ST8SIA2: variants seen among roughly 807,000 people sequenced by gnomAD.
The protein encoded by ST8SIA2 is alpha-2,8-sialyltransferase 8B.
ST8SIA2 carries 22 observed loss-of-function variants against 37.6 expected under a neutral mutation model. That is an observed-to-expected ratio of 0.58 (90% CI 0.42 to 0.83). The LOEUF (loss-of-function observed/expected upper bound fraction) is 0.83. Among genes scored for constraint, ST8SIA2 ranks in the 40% least tolerant of loss-of-function variants. ST8SIA2 has a pLI of 0.00. For missense variants in ST8SIA2, 382 were observed against 484.7 expected, an observed-to-expected ratio of 0.79 and a Z score of 1.99; for synonymous variants, 205 against 201.2, an observed-to-expected ratio of 1.02 and a Z score of -0.16.
intron 5 of ST8SIA2, among the ~76,000 whole-genome samples, chr15:92,462,857 T>C (rs189030763): frequency 2.0e-5 from 3 of 152,324 alleles, no homozygotes; most frequent in African/African-American, 7.2e-5. Context: ...ATAAAGACAT[T>C]AGACCACACA....
At chr15:92,431,564 C>T (rs1157139059) in intron 2 of ST8SIA2, among the ~76,000 whole-genome samples, 1 of 152,086 alleles carries the variant, frequency 6.6e-6, no homozygotes, top group Non-Finnish European at 1.5e-5. Flanking sequence ...GTTCAGGAGT[C>T]GGGAGGTGAA....
At chr15:92,394,905 G>A (rs2049419045) in intron 1 of ST8SIA2, among the ~76,000 whole-genome samples, 1 of 152,322 alleles carries the variant, frequency 6.6e-6, no homozygotes, top group African/African-American at 2.4e-5. Flanking sequence ...CCGCCCGGTG[G>A]GCTTCTGGGC....
chr15:92,436,996 G>A (rs1486478856), intron 3 of ST8SIA2, among the ~76,000 whole-genome samples: 2 of 152,198 alleles, frequency 1.3e-5, no homozygotes, highest in Non-Finnish European at 2.9e-5. Context: ...GGTTCCCCAA[G>A]TGACTGAATG....
At chr15:92,434,846 A>C (rs1207347828) in intron 3 of ST8SIA2, among the ~76,000 whole-genome samples, 1 of 152,170 alleles carries the variant, frequency 6.6e-6, no homozygotes, top group African/African-American at 2.4e-5. Flanking sequence ...TGAAAATGAA[A>C]ACCTAGAGCC....
In ST8SIA2 at chr15:92,465,478, G is replaced by A. The variant is rs1259548557; in HGVS notation, c.*1093G>A. On this transcript the variant is annotated 3_prime_UTR_variant, in exon 6 of 6. Coordinates refer to ENST00000268164, the MANE Select transcript of ST8SIA2 (RefSeq NM_006011.4). Reference sequence around the variant, plus strand: ...CCCAGAGTGTGAGACCTGAAAGAATGTTCAGCATCTAGCTCCATGTCCCTG... The same window carrying A: ...CCCAGAGTGTGAGACCTGAAAGAATATTCAGCATCTAGCTCCATGTCCCTG... 6.6e-6 allele frequency: 1 copy of A among 152,238 alleles called. No individual in the cohort carries two copies. The highest frequency in any genetic ancestry group is 1.5e-5 in the Non-Finnish European group (1 of 68,048). The allele number at this position is 152,238 out of a possible 1,614,324, so 9.4% of individuals were successfully genotyped here.
At chr15:92,453,223 C>T (rs1031141070) in intron 5 of ST8SIA2, among the ~76,000 whole-genome samples, 1 of 152,086 alleles carries the variant, frequency 6.6e-6, no homozygotes. Flanking sequence ...ATGTGCTGAC[C>T]ATTGACACCC....
At position 92,444,814 on chromosome 15, in the gene ST8SIA2, T is replaced by C. The variant is rs1361351323; in HGVS notation, c.727T>C (p.Phe243Leu). 2.5e-6 allele frequency: 4 copies of C among 1,614,108 alleles called. No individual in the cohort carries two copies. In the Admixed American group the frequency reaches 6.7e-5, roughly 27 times the overall value. The change falls in exon 5 of 6, where the codon TTC becomes CTC. Residue 243 changes from phenylalanine to leucine, a missense_variant. By Grantham distance (22) the Phe-to-Leu change is conservative. Transcript: ENST00000268164. Reference protein sequence around the residue: ...LNGSILWIPAFMARGGKERVE... With the variant: ...LNGSILWIPALMARGGKERVE... ...TGGCAGCATCCTGTGGATCCCTGCCTTCATGGCCCGGGGCGGCAAGGAGCG... is the reference window on the plus strand; with the variant it reads ...TGGCAGCATCCTGTGGATCCCTGCCCTCATGGCCCGGGGCGGCAAGGAGCG...
In ST8SIA2 at chr15:92,449,503, G is replaced by A. The variant is rs569456361; in HGVS notation, c.842+4574G>A. Among the ~76,000 whole-genome samples, 5 of 152,294 alleles carry A rather than the reference G, an allele frequency of 3.3e-5. No individual in the cohort carries two copies. The East Asian group carries it at 9.6e-4, about 29-fold the overall frequency. ...CATGTGTCTTTTGGTAGAATGATTTGTTTTCTTTTGGATACTCATCCAGTA... is the reference window on the plus strand; with the variant it reads ...CATGTGTCTTTTGGTAGAATGATTTATTTTCTTTTGGATACTCATCCAGTA... On this transcript the variant is annotated intron_variant, in intron 5 of 5. Coordinates refer to ENST00000268164, the MANE Select transcript of ST8SIA2 (RefSeq NM_006011.4).
chr15:92,434,824 T>C (rs1009225594), intron 3 of ST8SIA2, among the ~76,000 whole-genome samples: 5 of 152,182 alleles, frequency 3.3e-5, no homozygotes, highest in African/African-American at 1.2e-4. Flanking sequence ...AGGCTGCTCC[T>C]CCCTAACAAC....
chr15:92,454,455 T>A (rs1439099506), intron 5 of ST8SIA2, among the ~76,000 whole-genome samples: 1 of 152,138 alleles, frequency 6.6e-6, no homozygotes, highest in East Asian at 1.9e-4. Context: ...CATCAACATA[T>A]GAGTTTGGGG....
At chr15:92,397,898 C>T (rs755677592) in intron 1 of ST8SIA2, among the ~76,000 whole-genome samples, 8 of 152,124 alleles carry the variant, frequency 5.3e-5, no homozygotes, top group Non-Finnish European at 7.3e-5. Context: ...TTTGGGAGGC[C>T]GAGGCAGGTA....
Position 92,464,072 on chromosome 15 carries a change from C to CTTTTTT in ST8SIA2, c.843-10_843-5dup, listed in dbSNP as rs34156050. 3.1e-3 allele frequency: 3,914 copies of CTTTTTT among 1,268,582 alleles called. 29 individuals carry two copies. Among genetic ancestry groups the CTTTTTT allele is most frequent in the South Asian group, 0.011 (706 of 63,004 alleles). The allele number at this position is 1,268,582 out of a possible 1,614,324, so 78.6% of individuals were successfully genotyped here. On this transcript the variant is annotated intron_variant, in intron 5 of 5. Coordinates refer to ENST00000268164, the MANE Select transcript of ST8SIA2 (RefSeq NM_006011.4). ...TGACTCACAGACCCATGTTTCTTTT[C>CTTTTTT]TTTTTTTTTTTTTTTTTTTTTTTCC...
rs74029016 is a variant in ST8SIA2 at position 92,401,279 on chromosome 15, A to C, written c.98+7117A>C. 6.6e-3 allele frequency among the ~76,000 whole-genome samples: 1,008 copies of C among 152,222 alleles called. 12 individuals carry two copies. The highest frequency in any genetic ancestry group is 0.023 in the African/African-American group (960 of 41,526). On this transcript the variant is annotated intron_variant, in intron 1 of 5. Transcript: ENST00000268164. ...ACCGTCGCCTGTGGCCGGCCGGCTG[A>C]CCGCCCCTGGGCTTGCTTACCATCT...
chr15:92,435,097 C>A (rs1336422736), intron 3 of ST8SIA2, among the ~76,000 whole-genome samples: 1 of 152,212 alleles, frequency 6.6e-6, no homozygotes, highest in Non-Finnish European at 1.5e-5. Context: ...TATAATCCAA[C>A]TATTCAGTTC....
intron 1 of ST8SIA2, among the ~76,000 whole-genome samples, chr15:92,416,051 A>G (rs531310862): frequency 6.6e-5 from 10 of 152,236 alleles, no homozygotes; most frequent in Non-Finnish European, 7.4e-5. Context: ...AGAGAGAGGC[A>G]TGTGGCACAC....
chr15:92,449,351 T>C (rs1393055155), intron 5 of ST8SIA2, among the ~76,000 whole-genome samples: 1 of 152,264 alleles, frequency 6.6e-6, no homozygotes, highest in East Asian at 1.9e-4. Flanking sequence ...TTATACACCA[T>C]GCGTCCATGA....
At chr15:92,402,871 G>C (rs79749850) in intron 1 of ST8SIA2, among the ~76,000 whole-genome samples, 7,548 of 151,176 alleles carry the variant, frequency 0.05, 494 homozygotes, top group East Asian at 0.31. Context: ...GAGAGAGAGA[G>C]ACACACTGAG....
intron 2 of ST8SIA2, among the ~76,000 whole-genome samples, chr15:92,431,500 TTAC>T (rs1021781138): frequency 1.2e-4 from 18 of 152,180 alleles, no homozygotes; most frequent in African/African-American, 4.3e-4. Context: ...TTGATGCTTG[TTAC>T]TACTACTGTG....
intron 2 of ST8SIA2, among the ~76,000 whole-genome samples, chr15:92,431,907 G>A (rs1013931412): frequency 1.3e-5 from 2 of 152,184 alleles, no homozygotes; most frequent in African/African-American, 4.8e-5. Flanking sequence ...AAAGTGGAGA[G>A]AGAAATGGAA....
Sources: gnomAD v4.1 joint callset for allele counts (sites outside exome capture counted in the v4.1 genomes callset) on GRCh38, gnomAD v4.1.1 for gene constraint, MANE v1.5 for transcripts, NCBI Gene and HGNC (gene_info 2026-07-23, HGNC 2026-07-21) for gene names.